The following VAV2 variants were observed in gnomAD, a reference collection of about 807,000 sequenced individuals.
The protein encoded by VAV2 is vav guanine nucleotide exchange factor 2, also known as guanine nucleotide exchange factor VAV2.
Under a neutral mutation model 132.5 loss-of-function variants are expected in VAV2, and 67 were observed. The ratio of observed to expected loss-of-function variants is 0.51; its 90% CI spans 0.42 to 0.62. The LOEUF is 0.62. Among genes scored for constraint, VAV2 ranks in the 20% least tolerant of loss-of-function variants. The pLI is 0.00. For missense variants in VAV2, 938 were observed against 1,153.6 expected (o/e 0.81, Z 2.71); for synonymous variants, 492 against 443.5 (o/e 1.11, Z -1.37).
rs1050443155 is a variant in VAV2, at chr9:133,918,914, T to C, written c.321+20189A>G. ...CCTCAGCCTCCCAAGTAGCTGGGAT[T>C]ACAGGCGTGCACCACCACACCAGGC... is the stretch of plus-strand genomic sequence containing the variant. On this transcript the variant is annotated intron_variant, in intron 2 of 29. Coordinates refer to ENST00000371850, the MANE Select transcript of VAV2 (RefSeq NM_001134398.2). This position sits in a 1 kb window ranked among gnomAD's most constrained non-coding sequence, Gnocchi z 4.7. 2.0e-5 allele frequency among the ~76,000 whole-genome samples: 3 copies of C among 152,108 alleles called. No individual in the cohort carries two copies. Among genetic ancestry groups the C allele is most frequent in the African/African-American group, 4.8e-5 (2 of 41,408 alleles).
intron 1 of VAV2, among the ~76,000 whole-genome samples, chr9:133,944,609 G>A (rs1467366014): frequency 6.6e-6 from 1 of 152,254 alleles, no homozygotes; most frequent in Non-Finnish European, 1.5e-5. Flanking sequence ...AGACAACCAA[G>A]CTCCAAGCAG....
Position 133,769,976 on chromosome 9 carries a change from T to A in VAV2, c.2347+402A>T, listed in dbSNP as rs2131566026. On this transcript the variant is annotated intron_variant, in intron 27 of 29. Coordinates refer to ENST00000371850, the MANE Select transcript of VAV2 (RefSeq NM_001134398.2). This position sits in a 1 kb window ranked among gnomAD's most constrained non-coding sequence, Gnocchi z 8.1. ...GCCTTCCCTGTTCTGAGCTGTGGAG[T>A]CCAACCTGCAAACAGGCTGCCTCTC... Among the ~76,000 whole-genome samples, 2 of 152,058 alleles carry A rather than the reference T, an allele frequency of 1.3e-5. No individual in the cohort carries two copies. The highest frequency in any genetic ancestry group is 6.8e-3 in the Middle Eastern group (2 of 294).
intron 3 of VAV2, among the ~76,000 whole-genome samples, chr9:133,841,613 A>T (rs1443002746): frequency 6.6e-6 from 1 of 152,162 alleles, no homozygotes; most frequent in African/African-American, 2.4e-5. Flanking sequence ...ACACCCAGAG[A>T]TAACATCAGG....
At chr9:133,822,253 G>A (rs1835818525) in intron 4 of VAV2, among the ~76,000 whole-genome samples, 1 of 152,326 alleles carries the variant, frequency 6.6e-6, no homozygotes, top group Admixed American at 6.5e-5. Context: ...GACAGGCTGG[G>A]ATGCGCCGCA....
Position 133,883,878 on chromosome 9 carries a change from G to A in VAV2, c.322-22446C>T, listed in dbSNP as rs1005232640. Among the ~76,000 whole-genome samples, 1 of 152,182 alleles carries A rather than the reference G, an allele frequency of 6.6e-6. No individual in the cohort carries two copies. Among genetic ancestry groups the A allele is most frequent in the Non-Finnish European group, 1.5e-5 (1 of 68,028 alleles). On this transcript the variant is annotated intron_variant, in intron 2 of 29. Transcript: ENST00000371850. The surrounding 1 kb of genome is among the most constrained non-coding windows in gnomAD (Gnocchi z 4.2). ...AGGCCCGGTGTGGTGGCTTATACCT[G>A]TAATCCCAGCACTTTGGGAGGCTGA...
At chr9:133,837,869 AAAG>A (rs1200868299) in intron 3 of VAV2, among the ~76,000 whole-genome samples, 1 of 152,198 alleles carries the variant, frequency 6.6e-6, no homozygotes, top group Non-Finnish European at 1.5e-5. Flanking sequence ...GTTAAAGTCC[AAAG>A]AATTATACTG....
chr9:133,989,152 A>G (rs1842940691), intron 1 of VAV2, among the ~76,000 whole-genome samples: 2 of 152,194 alleles, frequency 1.3e-5, no homozygotes, highest in South Asian at 4.1e-4. Context: ...CAGCCTGACC[A>G]ACATAGAGAA....
intron 3 of VAV2, among the ~76,000 whole-genome samples, chr9:133,858,273 T>C (rs553645806): frequency 6.6e-6 from 1 of 152,142 alleles, no homozygotes; most frequent in Non-Finnish European, 1.5e-5. Context: ...GCGCTGGGGA[T>C]GGAGTAACTA....
At chr9:133,903,426 T>A (rs1051829936) in intron 2 of VAV2, among the ~76,000 whole-genome samples, 2 of 151,960 alleles carry the variant, frequency 1.3e-5, no homozygotes, top group African/African-American at 4.8e-5. Context: ...GTCTGCCCCA[T>A]CCCCTGGAGC....
intron 3 of VAV2, among the ~76,000 whole-genome samples, chr9:133,838,202 C>T (rs1012782558): frequency 6.6e-6 from 1 of 151,854 alleles, no homozygotes; most frequent in Non-Finnish European, 1.5e-5. Flanking sequence ...CCTTTAGTCC[C>T]CCACCCTCCC....
Position 133,906,988 on chromosome 9 carries a change from G to A in VAV2, c.321+32115C>T, listed in dbSNP as rs56214950. On this transcript the variant is annotated intron_variant, in intron 2 of 29. Transcript: ENST00000371850. ...CTGGGCCCAGCGAGCCCCTCCGTGA[G>A]TGATGGCCGCTATGCTGCTCGGCCC... 6.1e-3 allele frequency among the ~76,000 whole-genome samples: 933 copies of A among 152,348 alleles called. 9 individuals carry two copies. Among genetic ancestry groups the A allele is most frequent in the Middle Eastern group, 0.01 (3 of 294 alleles).
intron 1 of VAV2, among the ~76,000 whole-genome samples, chr9:133,941,851 G>A (rs1301856513): frequency 1.3e-5 from 2 of 152,226 alleles, no homozygotes; most frequent in African/African-American, 4.8e-5. Flanking sequence ...TGATCTGCCT[G>A]CCTCAGCCTC....
At chr9:133,939,778 G>C (rs1207713041) in intron 1 of VAV2, among the ~76,000 whole-genome samples, 1 of 152,366 alleles carries the variant, frequency 6.6e-6, no homozygotes, top group East Asian at 1.9e-4. Context: ...CTAATCACGG[G>C]TGACAAAGCC....
intron 29 of VAV2, among the ~76,000 whole-genome samples, chr9:133,767,609 T>C (rs1321447816): frequency 6.6e-6 from 1 of 152,166 alleles, no homozygotes; most frequent in Non-Finnish European, 1.5e-5. Flanking sequence ...GCCTTGACAC[T>C]TCTATAGGGC....
chr9:133,805,412 CT>C (rs1479815221), intron 9 of VAV2, among the ~76,000 whole-genome samples: 1 of 152,218 alleles, frequency 6.6e-6, no homozygotes, highest in Non-Finnish European at 1.5e-5. Flanking sequence ...GCACCGTCCC[CT>C]GATGGGGCTC....
chr9:133,863,076 A>AG lies in VAV2; in HGVS notation c.322-1645dup, dbSNP rs141216673. ...GCCGCACTCCCATGCTGATGCTACA[A>AG]GGGGCCTTTCACAAGTAATGAGGAA... On this transcript the variant is annotated intron_variant, in intron 2 of 29. Coordinates refer to ENST00000371850, the MANE Select transcript of VAV2 (RefSeq NM_001134398.2). This position sits in a 1 kb window ranked among gnomAD's most constrained non-coding sequence, Gnocchi z 5.0. Among the ~76,000 whole-genome samples the AG allele has an allele frequency of 7.2e-3, 1,103 of 152,338 alleles. 5 individuals carry two copies. Among genetic ancestry groups the AG allele is most frequent in the Middle Eastern group, 0.017 (5 of 294 alleles).
intron 2 of VAV2, among the ~76,000 whole-genome samples, chr9:133,929,626 A>C (rs557114602): frequency 1.3e-5 from 2 of 152,258 alleles, no homozygotes; most frequent in South Asian, 4.1e-4. Context: ...CTCTGCCTGC[A>C]CGCAAAAGCC....
chr9:133,851,909 G>C (rs868186956), intron 3 of VAV2, among the ~76,000 whole-genome samples: 2 of 140,746 alleles, frequency 1.4e-5, no homozygotes, highest in Non-Finnish European at 3.0e-5. Context: ...GGATGGATGG[G>C]TGGATGGATG....
chr9:133,937,905 C>G (rs1840984645), intron 2 of VAV2, among the ~76,000 whole-genome samples: 2 of 152,184 alleles, frequency 1.3e-5, no homozygotes, highest in Admixed American at 6.5e-5. Context: ...GAGATGGGCT[C>G]ATGAAGAGGT....
Sources: allele counts gnomAD v4.1 joint callset (sites outside exome capture counted in the v4.1 genomes callset), GRCh38; gene constraint gnomAD v4.1.1; non-coding constraint Gnocchi (gnomAD v3.1); transcripts MANE v1.5; gene names NCBI Gene and HGNC (gene_info 2026-07-23, HGNC 2026-07-21).